Variants in CPNE4 observed in about 807,000 individuals in gnomAD.
The protein encoded by CPNE4 is copine 4, also known as copine-4.
A neutral mutation model predicts 67.9 loss-of-function variants in CPNE4; 25 were observed. The observed-to-expected ratio is 0.37, with a 90% confidence interval of 0.27 to 0.51. CPNE4 has a LOEUF of 0.51. CPNE4 is among the 20% of genes least tolerant of loss of function. CPNE4 has a pLI of 0.93. For synonymous variants in CPNE4, 242 were observed against 244.9 expected, an observed-to-expected ratio of 0.99 and a Z score of 0.11; for missense variants, 464 against 690.8, an observed-to-expected ratio of 0.67 and a Z score of 3.68.
At chr3:131,720,363 C>A (rs1479319195) in intron 3 of CPNE4, among the ~76,000 whole-genome samples, 1 of 147,122 alleles carries the variant, frequency 6.8e-6, no homozygotes, top group African/African-American at 2.5e-5. Flanking sequence ...CGGCTCAATG[C>A]AACCTCTGCC....
At chr3:131,852,543 A>T (rs1369480343) in intron 2 of CPNE4, among the ~76,000 whole-genome samples, 1 of 151,988 alleles carries the variant, frequency 6.6e-6, no homozygotes, top group Non-Finnish European at 1.5e-5. Context: ...TCTATGACAA[A>T]CCTGGAGCTG....
chr3:131,697,117 A>G (rs2081173060), intron 4 of CPNE4, among the ~76,000 whole-genome samples: 1 of 152,214 alleles, frequency 6.6e-6, no homozygotes, highest in African/African-American at 2.4e-5. Flanking sequence ...ATATGGGTAT[A>G]CGTAAGGATT....
intron 1 of CPNE4, among the ~76,000 whole-genome samples, chr3:131,986,363 C>T (rs2073041428): frequency 6.6e-6 from 1 of 152,198 alleles, no homozygotes; most frequent in Non-Finnish European, 1.5e-5. Flanking sequence ...AGCACACAAT[C>T]TGCCCTCACA....
intron 7 of CPNE4, among the ~76,000 whole-genome samples, chr3:131,660,117 C>A (rs1399372773): frequency 6.6e-6 from 1 of 152,118 alleles, no homozygotes; most frequent in Non-Finnish European, 1.5e-5. Flanking sequence ...ACACTAACTC[C>A]CAAGATTCTT....
chr3:132,033,013 G>T (rs1263237091), intron 1 of CPNE4, among the ~76,000 whole-genome samples: 4 of 152,218 alleles, frequency 2.6e-5, no homozygotes, highest in Admixed American at 2.0e-4. Flanking sequence ...TTTTTGTTTT[G>T]TTATAAAGCA....
intron 2 of CPNE4, among the ~76,000 whole-genome samples, chr3:131,896,153 T>C (rs1321551827): frequency 6.6e-6 from 1 of 152,014 alleles, no homozygotes; most frequent in Non-Finnish European, 1.5e-5. Context: ...TATCCAATAA[T>C]GGAAAGCTGG....
intron 1 of CPNE4, among the ~76,000 whole-genome samples, chr3:131,936,864 G>T (rs1049420950): frequency 6.6e-6 from 1 of 151,392 alleles, no homozygotes; most frequent in Non-Finnish European, 1.5e-5. Context: ...GAAACAAGCA[G>T]GAAGGGAAAA....
chr3:131,946,507 A>G (rs2071556358), intron 1 of CPNE4, among the ~76,000 whole-genome samples: 1 of 152,160 alleles, frequency 6.6e-6, no homozygotes. Flanking sequence ...GGTAGTCAAC[A>G]TCTTTTTATG....
intron 1 of CPNE4, among the ~76,000 whole-genome samples, chr3:131,965,026 T>C (rs2072302463): frequency 6.6e-6 from 1 of 152,206 alleles, no homozygotes; most frequent in Non-Finnish European, 1.5e-5. Context: ...AGTGGATCTC[T>C]CTGCAGAAAC....
chr3:131,963,715 A>C (rs1357426138), intron 1 of CPNE4, among the ~76,000 whole-genome samples: 1 of 152,194 alleles, frequency 6.6e-6, no homozygotes, highest in Non-Finnish European at 1.5e-5. Context: ...GCATCTCTGA[A>C]AGAAAGGCAG....
At chr3:131,972,959 AT>A (rs150015445) in intron 1 of CPNE4, among the ~76,000 whole-genome samples, 52 of 152,092 alleles carry the variant, frequency 3.4e-4, no homozygotes, top group Non-Finnish European at 6.9e-4. Flanking sequence ...TTTCTCATAT[AT>A]TTTTTTAAAA....
At chr3:131,756,262 C>T (rs2082748682) in intron 2 of CPNE4, among the ~76,000 whole-genome samples, 1 of 152,196 alleles carries the variant, frequency 6.6e-6, no homozygotes, top group South Asian at 2.1e-4. Context: ...TCAGCTCCCC[C>T]TTATCAGATG....
chr3:131,947,172 G>C (rs1225023), intron 1 of CPNE4, among the ~76,000 whole-genome samples: 11,995 of 152,128 alleles, frequency 0.079, 621 homozygotes, highest in Admixed American at 0.16. Context: ...GCTATTTGGG[G>C]GCACTGCAAT....
At chr3:131,831,630 G>T (rs1340564594) in intron 2 of CPNE4, among the ~76,000 whole-genome samples, 1 of 152,072 alleles carries the variant, frequency 6.6e-6, no homozygotes, top group African/African-American at 2.4e-5. Flanking sequence ...AGAAACATAC[G>T]CTGTAATATA....
intron 7 of CPNE4, among the ~76,000 whole-genome samples, chr3:131,614,493 C>T (rs1400500674): frequency 6.6e-6 from 1 of 152,130 alleles, no homozygotes; most frequent in African/African-American, 2.4e-5. Flanking sequence ...GTCTCTTTAA[C>T]TTGTGCCAGG....
At chr3:131,880,132 A>ATTT (rs1297226216) in intron 2 of CPNE4, among the ~76,000 whole-genome samples, 5 of 147,452 alleles carry the variant, frequency 3.4e-5, no homozygotes, top group African/African-American at 1.0e-4. Context: ...ATATATACAT[A>ATTT]TTTTTTTTTT....
Position 131,989,664 on chromosome 3 carries a change from G to A in CPNE4, c.-2+44903C>T, listed in dbSNP as rs532134352. On this transcript the variant is annotated intron_variant, in intron 1 of 15. Transcript: ENST00000429747. ...AAAGAATGACATATTTTCTCTCACT[G>A]GGAGACAAGAAAGCGCTTATTAAAA... Among the ~76,000 whole-genome samples the A allele has an allele frequency of 2.6e-4, 36 of 136,106 alleles. 2 individuals are homozygous for A. Among genetic ancestry groups the A allele is most frequent in the African/African-American group, 8.1e-4 (33 of 40,828 alleles). The allele number at this position is 136,106 out of a possible 152,430, so 89.3% of individuals were successfully genotyped here. A position where few individuals can be genotyped will look rare whatever the true frequency, so the allele number is the denominator to read the frequency against.
chr3:131,819,491 T>TACAC (rs5852655), intron 2 of CPNE4, among the ~76,000 whole-genome samples: 3,641 of 146,240 alleles, frequency 0.025, 100 homozygotes, highest in African/African-American at 0.067. Flanking sequence ...CACACACAGA[T>TACAC]ACACACACAC....
intron 2 of CPNE4, among the ~76,000 whole-genome samples, chr3:131,836,764 ACT>A (rs1338284869): frequency 6.6e-6 from 1 of 152,184 alleles, no homozygotes; most frequent in Non-Finnish European, 1.5e-5. Context: ...TGCTAAAGGC[ACT>A]GTTATGAGAA....
Sources: gnomAD v4.1 joint callset for allele counts (sites outside exome capture counted in the v4.1 genomes callset) on GRCh38, gnomAD v4.1.1 for gene constraint, MANE v1.5 for transcripts, NCBI Gene and HGNC (gene_info 2026-07-23, HGNC 2026-07-21) for gene names.